The following THOC7 variants were observed in gnomAD, a reference collection of about 807,000 sequenced individuals.
THOC7 encodes THO complex subunit 7.
Under a neutral mutation model 33.1 loss-of-function variants are expected in THOC7, and 22 were observed. That is an observed-to-expected ratio of 0.66 (90% confidence interval 0.47 to 0.95). The LOEUF (loss-of-function observed/expected upper bound fraction) is 0.95, where lower values mean the gene tolerates loss of function less well. THOC7 is among the 40% of genes least tolerant of loss of function. The pLI is 0.00. For synonymous variants in THOC7, 77 were observed against 76.8 expected (o/e 1.00, Z -0.01); for missense variants, 184 against 245.3 (o/e 0.75, Z 1.67).
rs940675400 is a variant in THOC7, at chr3:63,851,951, T to C, written c.19+11821A>G. Among the ~76,000 whole-genome samples the C allele has an allele frequency of 3.3e-5, 5 of 151,532 alleles. No homozygotes were observed. In the East Asian group the frequency reaches 7.8e-4, roughly 24 times the overall value. ...ACCCAGGCCCAGAACTATAGGCGGG[T>C]AGAATGGTTTTGGAGGACTGACCTA... On this transcript the variant is annotated intron_variant, in intron 1 of 7. Coordinates refer to ENST00000295899, the MANE Select transcript of THOC7 (RefSeq NM_025075.4).
chr3:63,860,070 G>A (rs955220467), intron 1 of THOC7, among the ~76,000 whole-genome samples: 6 of 152,146 alleles, frequency 3.9e-5, no homozygotes, highest in African/African-American at 1.4e-4. Context: ...CTGGGCTCAA[G>A]TGATCCTCCT....
intron 1 of THOC7, among the ~76,000 whole-genome samples, chr3:63,853,648 C>T (rs2107156892): frequency 1.3e-5 from 2 of 152,336 alleles, no homozygotes; most frequent in African/African-American, 4.8e-5. Flanking sequence ...ATGGCTCACG[C>T]CTGTAATCCC....
chr3:63,846,725 T>C (rs1393986018), intron 1 of THOC7, among the ~76,000 whole-genome samples: 1 of 152,104 alleles, frequency 6.6e-6, no homozygotes, highest in African/African-American at 2.4e-5. Context: ...TGGTAATTTA[T>C]AACCCCAGTA....
chr3:63,855,526 G>C (rs1286501186), intron 1 of THOC7, among the ~76,000 whole-genome samples: 1 of 152,186 alleles, frequency 6.6e-6, no homozygotes, highest in Non-Finnish European at 1.5e-5. Flanking sequence ...CCTCTGGTCA[G>C]ATGACACAGC....
chr3:63,860,468 TG>T (rs1469829182), intron 1 of THOC7, among the ~76,000 whole-genome samples: 2 of 152,186 alleles, frequency 1.3e-5, no homozygotes, highest in Admixed American at 1.3e-4. Context: ...GATATGACAC[TG>T]GCTTTCATTT....
chr3:63,846,301 G>A, intron 1 of THOC7: 1 of 386,170 alleles, frequency 2.6e-6, no homozygotes. Context: ...TGCACTCCCT[G>A]GACAAAAATG....
At chr3:63,834,250 A>G (rs1167473279) in intron 7 of THOC7, 51 bp from the exon 8 acceptor site, 1 of 1,559,444 alleles carries the variant, frequency 6.4e-7, no homozygotes. Flanking sequence ...CCTATATTTT[A>G]TATTCGATGA....
intron 1 of THOC7, chr3:63,854,778 GC>G (rs370862879): frequency 9.2e-5 from 14 of 152,150 alleles, no homozygotes; most frequent in Admixed American, 2.6e-4. Flanking sequence ...TGAGGCCGAG[GC>G]GGGCGGATCA....
chr3:63,843,935 A>G (rs1018125864), intron 1 of THOC7, among the ~76,000 whole-genome samples: 22 of 152,078 alleles, frequency 1.4e-4, no homozygotes, highest in African/African-American at 3.9e-4. Context: ...ATGTGTGTGT[A>G]TATATATATG....
chr3:63,855,254 C>T (rs191402337), intron 1 of THOC7, among the ~76,000 whole-genome samples: 7 of 143,836 alleles, frequency 4.9e-5, no homozygotes, highest in Admixed American at 4.4e-4. Context: ...TACTGGATTT[C>T]GTTATACCAT....
At chr3:63,838,557 T>G in intron 2 of THOC7, 58 bp from the exon 3 acceptor site, 2 of 1,501,928 alleles carry the variant, frequency 1.3e-6, no homozygotes, top group Non-Finnish European at 1.8e-6. Flanking sequence ...AAAAGTGAAC[T>G]GTTATAATGC....
intron 1 of THOC7, among the ~76,000 whole-genome samples, chr3:63,848,003 A>G (rs1433188446): frequency 6.6e-6 from 1 of 152,216 alleles, no homozygotes; most frequent in African/African-American, 2.4e-5. Flanking sequence ...CAGCATGAAC[A>G]TTAAAACAGA....
intron 1 of THOC7, among the ~76,000 whole-genome samples, chr3:63,853,417 C>G (rs1702055082): frequency 6.6e-6 from 1 of 152,140 alleles, no homozygotes; most frequent in South Asian, 2.1e-4. Flanking sequence ...AAAACAAAAA[C>G]TGGACCCAAT....
intron 2 of THOC7, 101 bp from the exon 3 acceptor site, chr3:63,838,600 T>A (rs1701685608): frequency 8.6e-7 from 1 of 1,164,178 alleles, no homozygotes; most frequent in African/African-American, 1.6e-5. Flanking sequence ...TTATAGCAAG[T>A]TCTGAGAGAA....
At position 63,863,762 on chromosome 3, in the gene THOC7, G is replaced by C. The variant is rs922614928; in HGVS notation, c.19+10C>G. 1.5e-4 allele frequency: 187 copies of C among 1,250,556 alleles called. No homozygotes were observed. The highest frequency in any genetic ancestry group is 1.8e-4 in the Non-Finnish European group (185 of 1,004,344). The allele number at this position is 1,250,556 out of a possible 1,614,324, so 77.5% of individuals were successfully genotyped here. ...GCAGCGGGCGCGTGTGGCGGCGAGC[G>C]GGGCCTCACCGTCAGTCACGGCTCC... is the stretch of plus-strand genomic sequence containing the variant. On this transcript the variant is annotated intron_variant, in intron 1 of 7. Coordinates refer to ENST00000295899, the MANE Select transcript of THOC7 (RefSeq NM_025075.4).
At chr3:63,848,048 A>G (rs1051366972) in intron 1 of THOC7, among the ~76,000 whole-genome samples, 2 of 152,208 alleles carry the variant, frequency 1.3e-5, no homozygotes, top group Non-Finnish European at 2.9e-5. Flanking sequence ...TCTTTGTACC[A>G]ATAAGATACA....
At chr3:63,855,166 G>A (rs1656540467) in intron 1 of THOC7, among the ~76,000 whole-genome samples, 1 of 152,118 alleles carries the variant, frequency 6.6e-6, no homozygotes, top group Non-Finnish European at 1.5e-5. Context: ...ATGCCTAAAT[G>A]TTAACCACTG....
upstream of THOC7, chr3:63,864,361 G>A (rs1702336424): frequency 6.6e-6 from 1 of 152,172 alleles, no homozygotes; most frequent in Non-Finnish European, 1.5e-5. Context: ...GCCCAGGAGA[G>A]GCGGGACTAG....
intron 1 of THOC7, among the ~76,000 whole-genome samples, chr3:63,857,046 A>G (rs1275250212): frequency 6.6e-6 from 1 of 152,088 alleles, no homozygotes; most frequent in African/African-American, 2.4e-5. Context: ...TCCCTATTTT[A>G]CCAATGAAAA....
Sources: gnomAD v4.1 joint callset for allele counts (sites outside exome capture counted in the v4.1 genomes callset) on GRCh38, gnomAD v4.1.1 for gene constraint, MANE v1.5 for transcripts, NCBI Gene and HGNC (gene_info 2026-07-23, HGNC 2026-07-21) for gene names.